The following CTNNA2 variants were observed in gnomAD, a reference collection of about 807,000 sequenced individuals.
CTNNA2 encodes the protein catenin alpha 2.
Under a neutral mutation model 101.0 loss-of-function variants are expected in CTNNA2, and 42 were observed. The observed-to-expected ratio is 0.42, with a 90% CI of 0.32 to 0.54. The LOEUF (loss-of-function observed/expected upper bound fraction) is 0.54, where lower values mean the gene tolerates loss of function less well. CTNNA2 is among the 20% of genes least tolerant of loss of function. CTNNA2 has a pLI of 0.14. For synonymous variants in CTNNA2, 450 were observed against 456.4 expected (o/e 0.99, Z 0.18); for missense variants, 871 against 1,223.1 (o/e 0.71, Z 4.29).
chr2:79,491,594 G>T (rs1363659146), intron 4 of CTNNA2, among the ~76,000 whole-genome samples: 2 of 152,172 alleles, frequency 1.3e-5, no homozygotes, highest in East Asian at 3.9e-4. Flanking sequence ...CTTCTCAGAA[G>T]AGTAACTCTG....
At chr2:79,998,114 A>G (rs1254158889) in intron 7 of CTNNA2, among the ~76,000 whole-genome samples, 1 of 152,212 alleles carries the variant, frequency 6.6e-6, no homozygotes. Context: ...TTCATTAGGA[A>G]TATTAGGCAA....
At chr2:79,200,255 G>A (rs1674017375) in intron 2 of CTNNA2, among the ~76,000 whole-genome samples, 1 of 152,204 alleles carries the variant, frequency 6.6e-6, no homozygotes, top group Non-Finnish European at 1.5e-5. Context: ...TTGGTGGCGG[G>A]CACCTGTAGC....
intron 7 of CTNNA2, among the ~76,000 whole-genome samples, chr2:80,311,250 AT>A (rs2149227753): frequency 6.6e-6 from 1 of 152,304 alleles, no homozygotes; most frequent in African/African-American, 2.4e-5. Context: ...AAGGATGAGG[AT>A]TTTAAAAAAA....
intron 6 of CTNNA2, among the ~76,000 whole-genome samples, chr2:79,900,025 TC>T (rs1403566132): frequency 6.6e-6 from 1 of 152,288 alleles, no homozygotes; most frequent in Non-Finnish European, 1.5e-5. Context: ...CAAATAACAT[TC>T]TTTTGATTTA....
intron 3 of CTNNA2, among the ~76,000 whole-genome samples, chr2:79,768,662 T>C (rs1306782911): frequency 2.6e-5 from 4 of 152,028 alleles, no homozygotes; most frequent in Non-Finnish European, 5.9e-5. Context: ...GAGGGTTTTT[T>C]CCCTTCATTT....
upstream of CTNNA2, among the ~76,000 whole-genome samples, chr2:79,509,778 G>A (rs1671496014): frequency 6.6e-6 from 1 of 152,254 alleles, no homozygotes. Flanking sequence ...GTCAATATAG[G>A]TTCACCAATT....
intron 4 of CTNNA2, among the ~76,000 whole-genome samples, chr2:79,447,249 T>A (rs1396637560): frequency 6.6e-6 from 1 of 152,008 alleles, no homozygotes; most frequent in African/African-American, 2.4e-5. Context: ...ATCTCTATAC[T>A]GACTCAATTA....
intron 7 of CTNNA2, among the ~76,000 whole-genome samples, chr2:80,045,685 C>T (rs10865451): frequency 0.25 from 38,615 of 151,768 alleles, 6,535 homozygotes; most frequent in East Asian, 0.75. Context: ...TGAATTTGTC[C>T]AGAATAGGGT....
At chr2:80,247,009 C>G (rs911484441) in intron 7 of CTNNA2, among the ~76,000 whole-genome samples, 2 of 152,108 alleles carry the variant, frequency 1.3e-5, no homozygotes, top group African/African-American at 4.8e-5. Context: ...TCTTTGGTGA[C>G]CATCTCCTCC....
chr2:79,520,869 T>C, intron 1 of CTNNA2, among the ~76,000 whole-genome samples: 1 of 151,984 alleles, frequency 6.6e-6, no homozygotes, highest in Non-Finnish European at 1.5e-5. Context: ...ACTCATACAT[T>C]GCTGGTGGGA....
chr2:79,434,025 A>G lies in CTNNA2; in HGVS notation c.-135+60012A>G, dbSNP rs1678684321. Among the ~76,000 whole-genome samples the G allele has an allele frequency of 2.0e-5, 3 of 152,150 alleles. No individual in the cohort carries two copies. In the South Asian group the frequency reaches 6.2e-4, roughly 32 times the overall value. On this transcript the variant is annotated intron_variant, in intron 4 of 21. Transcript: ENST00000466387. The stretch of plus-strand genomic sequence containing the variant: ...AGAGAGGTTTAAGGCCTGGCGCAGC[A>G]GCTCATACCTGTAATCCCAGCACTT...
chr2:80,568,566 CGTGTGTGTGT>C (rs36104924), intron 12 of CTNNA2, among the ~76,000 whole-genome samples: 8 of 149,424 alleles, frequency 5.4e-5, no homozygotes, highest in African/African-American at 9.8e-5. Flanking sequence ...TAATGGTGTG[CGTGTGTGTGT>C]GTGTGTGTGT....
chr2:80,216,193 C>T (rs1020855794), intron 7 of CTNNA2, among the ~76,000 whole-genome samples: 5 of 152,144 alleles, frequency 3.3e-5, no homozygotes, highest in East Asian at 1.9e-4. Flanking sequence ...GGGAATTCCC[C>T]GACCCCTTGT....
At chr2:80,164,563 A>T (rs969254354) in intron 7 of CTNNA2, among the ~76,000 whole-genome samples, 1 of 152,050 alleles carries the variant, frequency 6.6e-6, no homozygotes, top group African/African-American at 2.4e-5. Context: ...AATACTCAGG[A>T]GAGAAGGTAG....
intron 4 of CTNNA2, among the ~76,000 whole-genome samples, chr2:79,858,895 A>G (rs1681360737): frequency 6.6e-6 from 1 of 151,676 alleles, no homozygotes; most frequent in African/African-American, 2.4e-5. Flanking sequence ...TTAATGGAAT[A>G]GTGATTAAGG....
chr2:79,963,960 T>TA (rs762943261), intron 7 of CTNNA2, among the ~76,000 whole-genome samples: 2 of 152,198 alleles, frequency 1.3e-5, no homozygotes, highest in Non-Finnish European at 2.9e-5. Flanking sequence ...TTATTGCTGG[T>TA]AATTTCAGGA....
At chr2:80,242,212 G>A (rs1468236590) in intron 7 of CTNNA2, among the ~76,000 whole-genome samples, 1 of 152,134 alleles carries the variant, frequency 6.6e-6, no homozygotes, top group African/African-American at 2.4e-5. Context: ...TTCTGAACTT[G>A]AGAATTGAGT....
intron 3 of CTNNA2, among the ~76,000 whole-genome samples, chr2:79,835,666 G>GTTTTTTTTGTTTTTTTT (rs1679279337): frequency 1.7e-5 from 1 of 58,618 alleles, no homozygotes; most frequent in Non-Finnish European, 3.0e-5. Context: ...GCCTCTCTTT[G>GTTTTTTTTGTTTTTTTT]TTTTTTTTTT....
chr2:79,856,377 T>TAA (rs1465347218), intron 3 of CTNNA2, among the ~76,000 whole-genome samples: 1 of 152,238 alleles, frequency 6.6e-6, no homozygotes, highest in African/African-American at 2.4e-5. Context: ...TGACTAGGAC[T>TAA]AATTACAGGA....
Sources: allele counts gnomAD v4.1 joint callset (sites outside exome capture counted in the v4.1 genomes callset), GRCh38; gene constraint gnomAD v4.1.1; transcripts MANE v1.5; gene names NCBI Gene and HGNC (gene_info 2026-07-23, HGNC 2026-07-21).